Variants in ITGB1BP2 observed in about 807,000 individuals in gnomAD.
ITGB1BP2 encodes the protein integrin beta-1-binding protein 2.
Under a neutral mutation model 32.2 loss-of-function variants are expected in ITGB1BP2, and 27 were observed. The observed-to-expected ratio is 0.84, with a 90% CI of 0.62 to 1.16. The LOEUF (loss-of-function observed/expected upper bound fraction) is 1.16, where lower values mean the gene tolerates loss of function less well. ITGB1BP2 is among the 50% of genes most tolerant of loss of function. The probability of loss-of-function intolerance (pLI) is 0.00; values close to 1 mark genes in which losing one functional copy is unlikely to be tolerated. For missense variants in ITGB1BP2, 250 were observed against 267.3 expected (o/e 0.94, Z 0.45); for synonymous variants, 105 against 94.7 (o/e 1.11, Z -0.63).
chrX:71,304,445 C>T, intron 9 of ITGB1BP2, 97 bp from the exon 10 acceptor site: 1 of 969,322 alleles, frequency 1.0e-6, no homozygotes, highest in East Asian at 3.2e-5. Flanking sequence ...GGCTGTCTGG[C>T]CAACCTGTGG....
At chrX:71,304,408 T>C (rs2031663920) in intron 9 of ITGB1BP2, 108 bp downstream of exon 9, 3 of 864,307 alleles carry the variant, frequency 3.5e-6, no homozygotes, top group Admixed American at 5.0e-5. Flanking sequence ...ATAGTACCCT[T>C]AGAGGAAAGG....
chrX:71,303,392 T>G, intron 5 of ITGB1BP2, 36 bp downstream of exon 5: 1 of 1,206,208 alleles, frequency 8.3e-7, no homozygotes. Flanking sequence ...CTTCATAGAC[T>G]GGAATTTAGT....
chrX:71,304,918 G>T (rs12851982), intron 10 of ITGB1BP2, 47 bp from the exon 11 acceptor site: 2 of 1,082,397 alleles, frequency 1.8e-6, no homozygotes, highest in Non-Finnish European at 2.6e-6. Flanking sequence ...CAATGCCTTT[G>T]ATTTCCTCAT....
intron 5 of ITGB1BP2, 41 bp from the exon 6 acceptor site, chrX:71,303,420 G>C (rs1331805306): frequency 4.1e-6 from 5 of 1,206,898 alleles, no homozygotes; most frequent in African/African-American, 3.5e-5. Flanking sequence ...GCAATTGAGT[G>C]GGGGGATGGA....
In ITGB1BP2 at chrX:71,302,499, A is replaced by G. The variant is rs927504649; in HGVS notation, c.260A>G (p.Gln87Arg). 3.3e-6 allele frequency: 4 copies of G among 1,210,979 alleles called. No homozygotes were observed. Among genetic ancestry groups the G allele is most frequent in the Non-Finnish European group, 4.5e-6 (4 of 895,129 alleles). ...GCTACAAGCAGTTCACTTCAGGAGC[A>G]AAAACCTCTGAATGTGATTCCAAAG... ...GPATSSSLQEQKPLNVIPKSA... is the reference protein window; with the variant it reads ...GPATSSSLQERKPLNVIPKSA... Residue 87 changes from glutamine to arginine, a missense_variant, in exon 4 of 11, where the codon CAA becomes CGA. Coordinates refer to ENST00000373829, the MANE Select transcript of ITGB1BP2 (RefSeq NM_012278.4).
Position 71,302,264 on chromosome X carries a change from C to G in ITGB1BP2, c.115-13C>G. 1.7e-6 allele frequency: 2 copies of G among 1,210,835 alleles called. No individual in the cohort carries two copies. Among genetic ancestry groups the G allele is most frequent in the East Asian group, 5.9e-5 (2 of 33,821 alleles). ...CCCAGGAAGCTAAGCTGATCTGGGTCTCTTGTTATCAGGGTTGGTCCTGCT... is the reference window on the plus strand; with the variant it reads ...CCCAGGAAGCTAAGCTGATCTGGGTGTCTTGTTATCAGGGTTGGTCCTGCT... On this transcript the variant is annotated splice_polypyrimidine_tract_variant and intron_variant, in intron 2 of 10. Coordinates refer to ENST00000373829, the MANE Select transcript of ITGB1BP2 (RefSeq NM_012278.4).
At chrX:71,303,982 C>A in intron 8 of ITGB1BP2, 71 bp downstream of exon 8, 1 of 899,201 alleles carries the variant, frequency 1.1e-6, no homozygotes, top group Non-Finnish European at 1.6e-6. Flanking sequence ...CCTCTCTGTA[C>A]CACATAGCCA....
At position 71,303,695 on chromosome X, in the gene ITGB1BP2, G is replaced by T. The variant is rs1161518041; in HGVS notation, c.537G>T (p.Glu179Asp). ...ACCCAGGAGCACCCCGATTCCATGA[G>T]GGGTGAGGGAGGGGACTGGGTGGGC... is the stretch of plus-strand genomic sequence containing the variant. The part of the protein sequence containing the change: ...TYHPGAPRFH[E>D]GMKSWSCCGI... The change falls in exon 7 of 11, where the codon GAG becomes GAT. Residue 179 changes from glutamate to aspartate, a missense_variant and splice_region_variant. By Grantham distance (45) the Glu-to-Asp change is conservative. Transcript: ENST00000373829. 1 of 1,206,911 alleles carries T rather than the reference G, an allele frequency of 8.3e-7. No individual in the cohort carries two copies. The highest frequency in any genetic ancestry group is 1.8e-5 in the African/African-American group (1 of 56,871).
intron 9 of ITGB1BP2, 101 bp from the exon 10 acceptor site, chrX:71,304,441 C>T: frequency 1.1e-6 from 1 of 941,735 alleles, no homozygotes; most frequent in Non-Finnish European, 1.5e-6. Flanking sequence ...TCAGGGCTGT[C>T]TGGCCAACCT....
Position 71,301,757 on chromosome X carries a change from A to G in ITGB1BP2, c.-50A>G. 6.3e-6 allele frequency: 7 copies of G among 1,110,282 alleles called. No individual in the cohort carries two copies. Among genetic ancestry groups the G allele is most frequent in the Non-Finnish European group, 8.7e-6 (7 of 804,223 alleles). The allele number at this position is 1,110,282 out of a possible 1,213,427, so 91.5% of individuals were successfully genotyped here. A position where few individuals can be genotyped will look rare whatever the true frequency, so the allele number is the denominator to read the frequency against. On this transcript the variant is annotated 5_prime_UTR_variant, in exon 1 of 11. Transcript: ENST00000373829. Reference sequence around the variant, plus strand: ...GACTAAGAGGTGTTCCCCATTCGGCAGCCAGACTCCTTGAAATACCCTTTC... The same window carrying G: ...GACTAAGAGGTGTTCCCCATTCGGCGGCCAGACTCCTTGAAATACCCTTTC...
At chrX:71,304,934 C>CCTCA (rs766603532) in intron 10 of ITGB1BP2, 31 bp from the exon 11 acceptor site, 1 of 1,135,641 alleles carries the variant, frequency 8.8e-7, no homozygotes, top group African/African-American at 1.8e-5. Context: ...CTCATTCTCT[C>CCTCA]TTTCTTCTGT....
Position 71,305,287 on chromosome X carries a change from G to A in ITGB1BP2, c.*95G>A. On this transcript the variant is annotated 3_prime_UTR_variant, in exon 11 of 11. Coordinates refer to ENST00000373829, the MANE Select transcript of ITGB1BP2 (RefSeq NM_012278.4). The stretch of plus-strand genomic sequence containing the variant: ...GTTGGCCATGTGGCATCATTGAGCA[G>A]CAGGAGGCTGAAGGAGGGGAGAACA... The A allele has an allele frequency of 1.2e-6, 1 of 800,379 alleles. No individual in the cohort carries two copies. Among genetic ancestry groups the A allele is most frequent in the Non-Finnish European group, 1.8e-6 (1 of 563,526 alleles). 66.0% of individuals were successfully genotyped at this position (800,379 alleles called of 1,213,427 possible).
chrX:71,304,599 TG>T lies in ITGB1BP2; in HGVS notation c.816+1del, dbSNP rs767594769. 37 of 1,202,665 alleles carry T rather than the reference TG, an allele frequency of 3.1e-5. No individual in the cohort carries two copies. The highest frequency in any genetic ancestry group is 3.0e-5 in the Non-Finnish European group (27 of 890,892). Reference protein sequence around the residue: ...NRVFQAQMKLWGVINVEQSSV... With the variant: ...NRVFQAQMKLXGVINVEQSSV... Reference sequence around the variant, plus strand: ...TGTGTTCCAAGCACAGATGAAGCTCTGGGGGGTAAGTGAAGACCAGGGGACA... The same window carrying T: ...TGTGTTCCAAGCACAGATGAAGCTCTGGGGGTAAGTGAAGACCAGGGGACA... On this transcript the variant is annotated frameshift_variant, in exon 10 of 11. Coordinates refer to ENST00000373829, the MANE Select transcript of ITGB1BP2 (RefSeq NM_012278.4). LOFTEE classifies it high-confidence loss of function.
rs1343110745 is a variant in ITGB1BP2 at position 71,305,188 on chromosome X, A to T, written c.1040A>T (p.Glu347Val). 1 of 1,188,383 alleles carries T rather than the reference A, an allele frequency of 8.4e-7. No homozygotes were observed. The highest frequency in any genetic ancestry group is 3.0e-5 in the East Asian group (1 of 33,633). The change falls in exon 11 of 11, where the codon GAA (glutamate) becomes GTA (valine). Residue 347 changes from glutamate (E) to valine (V), a missense_variant. By Grantham distance (121) the Glu-to-Val change is moderately radical. Coordinates refer to ENST00000373829, the MANE Select transcript of ITGB1BP2 (RefSeq NM_012278.4). ...EEEEEEEAMG[E>V] ...GAGGAAGAGGAGGAAGCAATGGGGG[A>T]ATAGTGACACCAGACAGTTGATGTC...
At chrX:71,302,032 C>T in intron 1 of ITGB1BP2, 105 bp from the exon 2 acceptor site, 1 of 926,638 alleles carries the variant, frequency 1.1e-6, no homozygotes, top group Non-Finnish European at 1.5e-6. Context: ...TTTTTCTTCA[C>T]ATTATATGGG....
Position 71,304,606 on chromosome X carries a change from T to C in ITGB1BP2, c.816+2T>C. On this transcript the variant is annotated splice_donor_variant, in intron 10 of 10. Transcript: ENST00000373829. LOFTEE classifies it high-confidence loss of function. ...CAAGCACAGATGAAGCTCTGGGGGG[T>C]AAGTGAAGACCAGGGGACACAAGAG... 1 of 1,199,478 alleles carries C rather than the reference T, an allele frequency of 8.3e-7. No homozygotes were observed. The highest frequency in any genetic ancestry group is 1.1e-6 in the Non-Finnish European group (1 of 887,233).
rs1055518701 is a variant in ITGB1BP2, at chrX:71,304,116, C to T, written c.640-71C>T. ...TTTGAGACTCTCTGTCTCTTCTCCA[C>T]GTGCATCATGAGAACTCCCCTTCAG... is the stretch of plus-strand genomic sequence containing the variant. On this transcript the variant is annotated intron_variant, in intron 8 of 10. Coordinates refer to ENST00000373829, the MANE Select transcript of ITGB1BP2 (RefSeq NM_012278.4). 2.6e-5 allele frequency: 22 copies of T among 840,638 alleles called. No individual in the cohort carries two copies. In the African/African-American group the frequency reaches 3.4e-4, roughly 13 times the overall value. 69.3% of individuals were successfully genotyped at this position (840,638 alleles called of 1,213,427 possible).
Position 71,304,570 on chromosome X carries a change from A to G in ITGB1BP2, c.782A>G (p.Asn261Ser), listed in dbSNP as rs919298142. The part of the protein sequence containing the change: ...ELHVHIVFDG[N>S]RVFQAQMKLW... ...CATGTCCACATTGTCTTTGATGGTA[A>G]CCGTGTGTTCCAAGCACAGATGAAG... The change falls in exon 10 of 11, where the codon AAC becomes AGC. Residue 261 changes from asparagine (N) to serine (S), a missense_variant. Transcript: ENST00000373829. 3.3e-6 allele frequency: 4 copies of G among 1,208,625 alleles called. No individual in the cohort carries two copies. The highest frequency in any genetic ancestry group is 4.5e-6 in the Non-Finnish European group (4 of 893,934).
chrX:71,304,153 T>C (rs1041046936), intron 8 of ITGB1BP2, 34 bp from the exon 9 acceptor site: 1 of 1,083,401 alleles, frequency 9.2e-7, no homozygotes. Context: ...TAAGAATTTA[T>C]TCTTACCACC....
Sources: allele counts gnomAD v4.1 joint callset, GRCh38; gene constraint gnomAD v4.1.1; transcripts MANE v1.5; gene names NCBI Gene and HGNC (gene_info 2026-07-23, HGNC 2026-07-21).